COL21A1: variants seen among roughly 807,000 people sequenced by gnomAD.
COL21A1 encodes the protein collagen type XXI alpha 1 chain.
COL21A1 carries 149 observed loss-of-function variants against 137.9 expected under a neutral mutation model. The observed-to-expected ratio is 1.08, with a 90% CI of 0.95 to 1.24. COL21A1 has a LOEUF of 1.24. Ranked by LOEUF, COL21A1 falls within the 50% of genes most tolerant of loss-of-function variation. The probability of loss-of-function intolerance (pLI) is 0.00; values close to 1 mark genes in which losing one functional copy is unlikely to be tolerated. For synonymous variants in COL21A1, 456 were observed against 391.5 expected (o/e 1.16, Z -1.95); for missense variants, 1,167 against 1,158.4 (o/e 1.01, Z -0.11).
chr6:56,255,970 C>T (rs546513750), intron 1 of COL21A1, among the ~76,000 whole-genome samples: 96 of 152,300 alleles, frequency 6.3e-4, no homozygotes, highest in African/African-American at 2.2e-3. Flanking sequence ...GAAAGGCTCT[C>T]ACCCAAGGTT....
At chr6:56,349,538 CAT>C (rs1254517236) in intron 1 of COL21A1, among the ~76,000 whole-genome samples, 1 of 152,180 alleles carries the variant, frequency 6.6e-6, no homozygotes, top group Non-Finnish European at 1.5e-5. Flanking sequence ...TATATCTCTA[CAT>C]GTTTAAATTC....
At chr6:56,210,636 T>C (rs923628528) in intron 1 of COL21A1, among the ~76,000 whole-genome samples, 4 of 152,120 alleles carry the variant, frequency 2.6e-5, no homozygotes, top group Non-Finnish European at 4.4e-5. Flanking sequence ...ATAAGACATA[T>C]ATTCCTCCAA....
chr6:56,182,779 C>A, intron 1 of COL21A1, 123 bp from the exon 2 acceptor site: 1 of 570,372 alleles, frequency 1.8e-6, no homozygotes, highest in Non-Finnish European at 3.1e-6. Context: ...TTAGAATTAA[C>A]TTAAATCTGT....
intron 28 of COL21A1, among the ~76,000 whole-genome samples, chr6:56,059,747 C>G (rs1765631639): frequency 6.6e-6 from 1 of 151,996 alleles, no homozygotes; most frequent in African/African-American, 2.4e-5. Context: ...TATTTAAAAA[C>G]TTTTCTAGAC....
chr6:56,060,058 T>TA lies in COL21A1; in HGVS notation c.2567dup (p.Leu856PhefsTer88). On this transcript the variant is annotated frameshift_variant, in exon 28 of 30. Coordinates refer to ENST00000244728, the MANE Select transcript of COL21A1 (RefSeq NM_030820.4). LOFTEE classifies it high-confidence loss of function. ...CACCTGGACGTCCAGGGACACCCAC[T>TA]AATCCAGGAACACCATCTCTTCCTG... 1 of 1,610,000 alleles carries TA rather than the reference T, an allele frequency of 6.2e-7. No homozygotes were observed. The highest frequency in any genetic ancestry group is 2.2e-5 in the East Asian group (1 of 44,598).
At chr6:56,290,498 GAT>G (rs1491587671) in intron 1 of COL21A1, among the ~76,000 whole-genome samples, 6 of 132,958 alleles carry the variant, frequency 4.5e-5, no homozygotes, top group African/African-American at 1.5e-4. Context: ...TCACTTAGGA[GAT>G]TTTTTTTTTT....
At chr6:56,066,201 A>T (rs1766230141) in intron 23 of COL21A1, among the ~76,000 whole-genome samples, 1 of 151,924 alleles carries the variant, frequency 6.6e-6, no homozygotes, top group African/African-American at 2.4e-5. Context: ...TCTTAACTTA[A>T]AGGAATCCTA....
intron 10 of COL21A1, among the ~76,000 whole-genome samples, chr6:56,143,444 C>T (rs1774587170): frequency 6.6e-6 from 1 of 152,020 alleles, no homozygotes. Flanking sequence ...TCATGATCCA[C>T]CCTCCTCGGC....
At chr6:56,281,274 G>A (rs1763780477) in intron 1 of COL21A1, among the ~76,000 whole-genome samples, 1 of 152,118 alleles carries the variant, frequency 6.6e-6, no homozygotes, top group Non-Finnish European at 1.5e-5. Flanking sequence ...GCCTTTCAAT[G>A]AACTATGATA....
intron 1 of COL21A1, among the ~76,000 whole-genome samples, chr6:56,283,369 G>A (rs1477345121): frequency 2.0e-5 from 3 of 151,832 alleles, no homozygotes; most frequent in African/African-American, 4.8e-5. Context: ...TCATCATAAA[G>A]GTTAAGAGAA....
intron 1 of COL21A1, among the ~76,000 whole-genome samples, chr6:56,206,403 C>T (rs959984978): frequency 1.4e-4 from 21 of 150,886 alleles, no homozygotes; most frequent in African/African-American, 5.1e-4. Flanking sequence ...AAGGGCATTA[C>T]ATAATGGTAA....
Position 56,325,681 on chromosome 6 carries a change from A to ATAT in COL21A1, c.-39+68289_-39+68290insATA, listed in dbSNP as rs1482680086. On this transcript the variant is annotated intron_variant, in intron 1 of 28. Coordinates refer to the COL21A1 transcript ENST00000370819. ...ATATATTAAATATATTATATATAAT[A>ATAT]GATAATATAAATATATATAATATAT... Among the ~76,000 whole-genome samples, 3 of 1,182 alleles carry ATAT rather than the reference A, an allele frequency of 2.5e-3. 1 individual carries two copies. The highest frequency in any genetic ancestry group is 0.013 in the Non-Finnish European group (3 of 224). The allele number at this position is 1,182 out of a possible 152,430, so 0.8% of individuals were successfully genotyped here.
At chr6:56,201,177 G>A (rs886081677) in intron 1 of COL21A1, among the ~76,000 whole-genome samples, 4 of 151,006 alleles carry the variant, frequency 2.6e-5, no homozygotes, top group African/African-American at 9.8e-5. Context: ...TAAATTTGTT[G>A]GAGTTCATTG....
At chr6:56,060,855 A>T in intron 26 of COL21A1, 36 bp downstream of exon 26, 1 of 1,585,164 alleles carries the variant, frequency 6.3e-7, no homozygotes, top group South Asian at 1.2e-5. Flanking sequence ...AAAATCAATG[A>T]AAATGTAATA....
intron 17 of COL21A1, among the ~76,000 whole-genome samples, chr6:56,092,566 T>G (rs1364831303): frequency 6.6e-6 from 1 of 152,186 alleles, no homozygotes; most frequent in Non-Finnish European, 1.5e-5. Context: ...ATTGATAGTA[T>G]AGAAAATATT....
chr6:56,329,604 A>G (rs1765174186), intron 1 of COL21A1, among the ~76,000 whole-genome samples: 1 of 152,068 alleles, frequency 6.6e-6, no homozygotes, highest in Admixed American at 6.6e-5. Context: ...AGCTGAGAAC[A>G]TGCATGGAAC....
chr6:56,202,046 A>AAATC (rs1186200564), intron 1 of COL21A1, among the ~76,000 whole-genome samples: 6 of 152,156 alleles, frequency 3.9e-5, no homozygotes, highest in Non-Finnish European at 5.9e-5. Flanking sequence ...GAATCAAAGG[A>AAATC]AATCCCCTAA....
chr6:56,150,434 C>A (rs1226655574), intron 10 of COL21A1, among the ~76,000 whole-genome samples: 2 of 151,828 alleles, frequency 1.3e-5, no homozygotes, highest in South Asian at 4.2e-4. Context: ...AGGAGAATGG[C>A]GTGAACCTGG....
At chr6:56,161,448 C>G (rs1776192145) in intron 9 of COL21A1, among the ~76,000 whole-genome samples, 1 of 152,066 alleles carries the variant, frequency 6.6e-6, no homozygotes, top group Non-Finnish European at 1.5e-5. Context: ...TCTCGCAGAA[C>G]AGAAGCGCGT....
Sources: gnomAD v4.1 joint callset for allele counts (sites outside exome capture counted in the v4.1 genomes callset) on GRCh38, gnomAD v4.1.1 for gene constraint, MANE v1.5 for transcripts, NCBI Gene and HGNC (gene_info 2026-07-23, HGNC 2026-07-21) for gene names.